Variants in MALRD1 observed in about 807,000 individuals in gnomAD.
MALRD1 encodes the protein MAM and LDL receptor class A domain containing 1.
Under a neutral mutation model 242.1 loss-of-function variants are expected in MALRD1, and 247 were observed. That is an observed-to-expected ratio of 1.02 (90% CI 0.92 to 1.13). The LOEUF is 1.13. Ranked by LOEUF, MALRD1 falls within the 50% of genes most tolerant of loss-of-function variation. The pLI, the probability that MALRD1 is intolerant of heterozygous loss-of-function variation, is 0.00. For missense variants in MALRD1, 2,989 were observed against 2,533.1 expected (o/e 1.18, Z -3.86); for synonymous variants, 995 against 866.6 (o/e 1.15, Z -2.60).
intron 38 of MALRD1, among the ~76,000 whole-genome samples, chr10:19,700,090 CACA>C (rs771033557): frequency 7.9e-5 from 12 of 151,414 alleles, no homozygotes; most frequent in East Asian, 1.9e-4. Context: ...CCATGAAGGC[CACA>C]ACAACAGAAA....
chr10:19,603,727 G>T (rs1301263297), intron 34 of MALRD1, among the ~76,000 whole-genome samples: 5 of 152,174 alleles, frequency 3.3e-5, no homozygotes, highest in African/African-American at 7.2e-5. Flanking sequence ...CTTCGTGTCT[G>T]TATCCCATTT....
chr10:19,265,912 ATATATT>A (rs1462691394), intron 19 of MALRD1, among the ~76,000 whole-genome samples: 1 of 151,834 alleles, frequency 6.6e-6, no homozygotes. Flanking sequence ...TTGAGTACAT[ATATATT>A]TATAATTATT....
chr10:19,118,256 A>T (rs2131369560), intron 5 of MALRD1, among the ~76,000 whole-genome samples: 1 of 152,362 alleles, frequency 6.6e-6, no homozygotes, highest in Admixed American at 6.5e-5. Context: ...AAAGAGATTT[A>T]TTCTGAGCCA....
At chr10:19,237,513 C>CATATATATATATATATAT (rs34727263) in intron 18 of MALRD1, among the ~76,000 whole-genome samples, 3 of 113,710 alleles carry the variant, frequency 2.6e-5, no homozygotes, top group Non-Finnish European at 5.2e-5. Context: ...TGTGTGTGTC[C>CATATATATATATATATAT]ATATATATAT....
chr10:19,308,136 AT>A (rs201665479), intron 21 of MALRD1, among the ~76,000 whole-genome samples: 14 of 151,042 alleles, frequency 9.3e-5, no homozygotes, highest in Admixed American at 3.3e-4. Context: ...GTTTCTTTCT[AT>A]TTTTTTTATA....
intron 20 of MALRD1, among the ~76,000 whole-genome samples, 196 bp from the exon 21 acceptor site, chr10:19,282,814 TTTTCCTATA>T (rs1385897766): frequency 2.0e-5 from 3 of 152,138 alleles, no homozygotes; most frequent in Non-Finnish European, 2.9e-5. Flanking sequence ...TTCCTATATT[TTTTCCTATA>T]AATATTTGAC....
intron 38 of MALRD1, among the ~76,000 whole-genome samples, chr10:19,715,308 A>G (rs1834331008): frequency 6.6e-6 from 1 of 151,348 alleles, no homozygotes; most frequent in Non-Finnish European, 1.5e-5. Flanking sequence ...AATATTTACA[A>G]TTATATTTAT....
At chr10:19,727,883 T>C (rs1198547077) in intron 38 of MALRD1, among the ~76,000 whole-genome samples, 1 of 152,104 alleles carries the variant, frequency 6.6e-6, no homozygotes, top group Non-Finnish European at 1.5e-5. Flanking sequence ...GATCCACCAT[T>C]TTAAGTAAAA....
intron 36 of MALRD1, among the ~76,000 whole-genome samples, chr10:19,634,808 C>T (rs527734528): frequency 9.7e-4 from 147 of 152,116 alleles, no homozygotes; most frequent in African/African-American, 3.5e-3. Flanking sequence ...TGCCACAGAC[C>T]TATTTGAAAA....
intron 36 of MALRD1, among the ~76,000 whole-genome samples, chr10:19,632,277 A>T (rs539983572): frequency 5.6e-4 from 85 of 152,270 alleles, no homozygotes; most frequent in African/African-American, 1.9e-3. Flanking sequence ...AGTTGGAGCA[A>T]GCAGGCAAAA....
rs185665166 is a variant in MALRD1 at position 19,231,634 on chromosome 10, T to C, written c.2991+21954T>C. 2.6e-5 allele frequency among the ~76,000 whole-genome samples: 4 copies of C among 152,314 alleles called. No homozygotes were observed. The East Asian group carries it at 7.7e-4, about 29-fold the overall frequency. On this transcript the variant is annotated intron_variant, in intron 18 of 39. Transcript: ENST00000454679. The stretch of plus-strand genomic sequence containing the variant: ...TCCCTACACAAGCTTTCTTCTCTGC[T>C]ACCATTTAAGATGTGCCTTTGCTTC...
intron 32 of MALRD1, among the ~76,000 whole-genome samples, chr10:19,541,952 G>GT (rs2131378399): frequency 6.6e-6 from 1 of 152,258 alleles, no homozygotes; most frequent in African/African-American, 2.4e-5. Context: ...GGATGGGAAG[G>GT]TCCTTTGCAC....
Position 19,252,169 on chromosome 10 carries a change from T to C in MALRD1, c.2992-5515T>C, listed in dbSNP as rs16918405. 8.5e-3 allele frequency among the ~76,000 whole-genome samples: 1,295 copies of C among 152,120 alleles called. 14 individuals are homozygous for C. Among genetic ancestry groups the C allele is most frequent in the African/African-American group, 0.03 (1,228 of 41,530 alleles). On this transcript the variant is annotated intron_variant, in intron 18 of 39. Coordinates refer to ENST00000454679, the MANE Select transcript of MALRD1 (RefSeq NM_001142308.3). ...TGGCAGCTGACAACCTTGGTGTGGG[T>C]GCATAATAGGGAGGACTAGTGTCTG...
intron 21 of MALRD1, among the ~76,000 whole-genome samples, chr10:19,316,540 C>T (rs1386358522): frequency 6.6e-6 from 1 of 151,830 alleles, no homozygotes; most frequent in Non-Finnish European, 1.5e-5. Flanking sequence ...GACATGTTTA[C>T]GAAGCCCACT....
At chr10:19,515,373 C>T (rs1049884524) in intron 31 of MALRD1, among the ~76,000 whole-genome samples, 1 of 152,056 alleles carries the variant, frequency 6.6e-6, no homozygotes, top group Non-Finnish European at 1.5e-5. Flanking sequence ...TTTCATAGTA[C>T]ACTTTTTTTG....
rs999054091 is a variant in MALRD1 at position 19,450,434 on chromosome 10, G to A, written c.4973G>A (p.Arg1658Lys). 5 of 1,550,628 alleles carry A rather than the reference G, an allele frequency of 3.2e-6. No homozygotes were observed. The highest frequency in any genetic ancestry group is 2.7e-5 in the African/African-American group (2 of 73,176). ...GTCATATTTCAAGGTATCAGAACAA[G>A]GGACCTGGGAGGAGGAGCTGCAATT... ...FEVIFQGIRT[R>K]DLGGGAAIDD... Residue 1658 changes from arginine (R) to lysine (K), a missense_variant, in exon 29 of 40, where the codon AGG becomes AAG. Coordinates refer to ENST00000454679, the MANE Select transcript of MALRD1 (RefSeq NM_001142308.3).
At chr10:19,446,175 T>G (rs1834968928) in intron 28 of MALRD1, among the ~76,000 whole-genome samples, 1 of 90,546 alleles carries the variant, frequency 1.1e-5, no homozygotes, top group Non-Finnish European at 2.9e-5. Context: ...ATTTTCCATG[T>G]ACCGTCTGTC....
chr10:19,542,159 C>T (rs1405066175), intron 32 of MALRD1, among the ~76,000 whole-genome samples: 1 of 152,106 alleles, frequency 6.6e-6, no homozygotes, highest in Non-Finnish European at 1.5e-5. Flanking sequence ...TTTCTTACAC[C>T]TGACTACAAA....
At chr10:19,543,461 A>G (rs1413323817) in intron 32 of MALRD1, among the ~76,000 whole-genome samples, 1 of 57,646 alleles carries the variant, frequency 1.7e-5, no homozygotes, top group African/African-American at 4.2e-5. Flanking sequence ...TGAGAGAGAA[A>G]TGGGGTCTCA....
Sources: allele counts gnomAD v4.1 joint callset (sites outside exome capture counted in the v4.1 genomes callset), GRCh38; gene constraint gnomAD v4.1.1; transcripts MANE v1.5; gene names NCBI Gene and HGNC (gene_info 2026-07-23, HGNC 2026-07-21).